NREP: variants seen among roughly 807,000 people sequenced by gnomAD.
NREP encodes neuronal regeneration-related protein.
In NREP, 5 loss-of-function variants were observed where a neutral mutation model predicts 8.6. That is an observed-to-expected ratio of 0.58 (90% CI 0.30 to 1.22). The LOEUF is 1.22. Ranked by LOEUF, NREP falls within the 50% of genes most tolerant of loss-of-function variation. The pLI is 0.07. For synonymous variants in NREP, 27 were observed against 28.0 expected, an observed-to-expected ratio of 0.96 and a Z score of 0.11; for missense variants, 86 against 82.5, an observed-to-expected ratio of 1.04 and a Z score of -0.17.
Position 111,776,142 on chromosome 5 carries a change from T to C in NREP, c.136-40635A>G, listed in dbSNP as rs138850556. 2.4e-3 allele frequency among the ~76,000 whole-genome samples: 370 copies of C among 152,308 alleles called. 1 individual carries two copies. Among genetic ancestry groups the C allele is most frequent in the South Asian group, 0.019 (91 of 4,826 alleles). Reference sequence around the variant, plus strand: ...CACTTTGGAGAGCAATTTGGTCATATAGACTCACATTAAAAATAAGCATAT... The same window carrying C: ...CACTTTGGAGAGCAATTTGGTCATACAGACTCACATTAAAAATAAGCATAT... On this transcript the variant is annotated intron_variant, in intron 2 of 3. Transcript: ENST00000395634.
intron 1 of NREP, among the ~76,000 whole-genome samples, chr5:111,756,784 C>T (rs554198179): frequency 3.4e-4 from 52 of 152,090 alleles, no homozygotes; most frequent in Non-Finnish European, 7.4e-4. Context: ...CTTGCATGCA[C>T]CAAAGTGCAT....
intron 2 of NREP, among the ~76,000 whole-genome samples, chr5:111,803,994 T>C (rs1486817019): frequency 6.6e-6 from 1 of 152,176 alleles, no homozygotes; most frequent in African/African-American, 2.4e-5. Context: ...ATACAACTAG[T>C]AGTCCCTTTT....
chr5:111,764,446 T>C (rs927105045), intron 2 of NREP, among the ~76,000 whole-genome samples: 4 of 152,178 alleles, frequency 2.6e-5, no homozygotes, highest in Non-Finnish European at 4.4e-5. Flanking sequence ...AAGGAGCAAG[T>C]CACATCTTAC....
intron 2 of NREP, among the ~76,000 whole-genome samples, chr5:111,880,163 AT>A (rs933213986): frequency 4.6e-5 from 7 of 151,512 alleles, no homozygotes; most frequent in Non-Finnish European, 1.0e-4. Flanking sequence ...CACTAGGCAG[AT>A]TTTTTTTTCA....
At chr5:111,885,465 G>GA (rs1393433067) in intron 2 of NREP, among the ~76,000 whole-genome samples, 8 of 150,328 alleles carry the variant, frequency 5.3e-5, no homozygotes, top group Non-Finnish European at 7.4e-5. Flanking sequence ...CACAGAATTG[G>GA]AAAAAACTAC....
At chr5:111,783,526 G>T (rs1751542079) in intron 2 of NREP, among the ~76,000 whole-genome samples, 1 of 152,160 alleles carries the variant, frequency 6.6e-6, no homozygotes, top group Non-Finnish European at 1.5e-5. Context: ...TCTCAAGGAG[G>T]AAACAATCAG....
chr5:111,971,333 A>C (rs988710545), intron 2 of NREP, among the ~76,000 whole-genome samples: 4 of 152,330 alleles, frequency 2.6e-5, no homozygotes, highest in Non-Finnish European at 5.9e-5. Flanking sequence ...TTTCACAGAA[A>C]TAGAGAAAAC....
At chr5:111,767,638 T>C (rs996603376) in intron 2 of NREP, among the ~76,000 whole-genome samples, 2 of 152,110 alleles carry the variant, frequency 1.3e-5, no homozygotes, top group African/African-American at 2.4e-5. Flanking sequence ...TGTGTGTTTT[T>C]CCAAAAAAAT....
intron 2 of NREP, among the ~76,000 whole-genome samples, chr5:111,956,286 C>T (rs1756316595): frequency 6.6e-6 from 1 of 151,970 alleles, no homozygotes; most frequent in East Asian, 1.9e-4. Context: ...AGACATAACT[C>T]ACACCAACAG....
chr5:111,835,511 A>G (rs1369254740), intron 2 of NREP, among the ~76,000 whole-genome samples: 1 of 152,064 alleles, frequency 6.6e-6, no homozygotes, highest in African/African-American at 2.4e-5. Context: ...CAGGGGAGGA[A>G]ATCCTTGAGC....
chr5:111,809,129 G>C (rs1459348176), intron 2 of NREP, among the ~76,000 whole-genome samples: 5 of 152,140 alleles, frequency 3.3e-5, no homozygotes, highest in Admixed American at 2.6e-4. Flanking sequence ...TAGATGTTAA[G>C]GCATTTTTTA....
chr5:111,852,587 A>G (rs1753337130), intron 2 of NREP, among the ~76,000 whole-genome samples: 1 of 152,174 alleles, frequency 6.6e-6, no homozygotes, highest in Admixed American at 6.6e-5. Flanking sequence ...TTGTATTTAA[A>G]GCCGGGAGTC....
intron 2 of NREP, among the ~76,000 whole-genome samples, chr5:111,822,968 T>C (rs960421033): frequency 2.6e-5 from 4 of 152,244 alleles, no homozygotes; most frequent in African/African-American, 9.6e-5. Flanking sequence ...AAAGGAATAC[T>C]GGAGGCTAGG....
chr5:111,790,190 A>G (rs1424547094), intron 2 of NREP, among the ~76,000 whole-genome samples: 6 of 152,078 alleles, frequency 3.9e-5, no homozygotes, highest in African/African-American at 1.4e-4. Flanking sequence ...ATATACACAT[A>G]TCAGATTTTT....
chr5:111,739,896 TTG>T lies in NREP; in HGVS notation c.4-4391_4-4390del, dbSNP rs1749498658. 2.0e-5 allele frequency among the ~76,000 whole-genome samples: 3 copies of T among 152,124 alleles called. No individual in the cohort carries two copies. In the South Asian group the frequency reaches 6.2e-4, roughly 32 times the overall value. On this transcript the variant is annotated intron_variant, in intron 2 of 3. Transcript: ENST00000257435. ...CTTTTTCCATGTATACAATAAACAA[TTG>T]TTTTTGCCCAAATAAAATCCTCAAA...
chr5:111,902,071 A>C (rs1754659537), intron 2 of NREP, among the ~76,000 whole-genome samples: 1 of 152,206 alleles, frequency 6.6e-6, no homozygotes, highest in African/African-American at 2.4e-5. Context: ...TACTGTAACC[A>C]AAACAGCATA....
intron 2 of NREP, among the ~76,000 whole-genome samples, chr5:111,882,889 C>T (rs1261922173): frequency 1.3e-5 from 2 of 152,198 alleles, no homozygotes; most frequent in Non-Finnish European, 2.9e-5. Context: ...ATGGTAAAGA[C>T]CATCGAGGCT....
intron 2 of NREP, among the ~76,000 whole-genome samples, chr5:111,745,972 C>G (rs1042948913): frequency 4.6e-5 from 7 of 152,048 alleles, no homozygotes; most frequent in Non-Finnish European, 1.0e-4. Context: ...TATCAAATAG[C>G]AAATAATTAG....
At chr5:111,778,773 T>G (rs1244414827) in intron 2 of NREP, among the ~76,000 whole-genome samples, 1 of 152,174 alleles carries the variant, frequency 6.6e-6, no homozygotes, top group East Asian at 1.9e-4. Context: ...TGCAAAGCTC[T>G]CCTATGAAGC....
Sources: gnomAD v4.1 joint callset for allele counts (sites outside exome capture counted in the v4.1 genomes callset) on GRCh38, gnomAD v4.1.1 for gene constraint, MANE v1.5 for transcripts, NCBI Gene and HGNC (gene_info 2026-07-23, HGNC 2026-07-21) for gene names.